Variants in ARHGEF18 observed in about 807,000 individuals in gnomAD.
ARHGEF18 encodes the protein Rho/Rac guanine nucleotide exchange factor 18.
Under a neutral mutation model 155.7 loss-of-function variants are expected in ARHGEF18, and 93 were observed. The observed-to-expected ratio is 0.60, with a 90% CI of 0.50 to 0.71. The LOEUF is 0.71. ARHGEF18 is among the 30% of genes least tolerant of loss of function. The probability of loss-of-function intolerance (pLI) is 0.00; values close to 1 mark genes in which losing one functional copy is unlikely to be tolerated. For synonymous variants in ARHGEF18, 742 were observed against 753.1 expected, an observed-to-expected ratio of 0.99 and a Z score of 0.24; for missense variants, 1,593 against 1,816.1, an observed-to-expected ratio of 0.88 and a Z score of 2.23.
chr19:7,439,286 C>CCG (rs1555720516), intron 10 of ARHGEF18, among the ~76,000 whole-genome samples: 1 of 150,784 alleles, frequency 6.6e-6, no homozygotes, highest in Non-Finnish European at 1.5e-5. Context: ...TGAGACCCCC[C>CCG]CCCAACCTCT....
chr19:7,474,793 A>G (rs1267375683), downstream of ARHGEF18, among the ~76,000 whole-genome samples: 1 of 100,616 alleles, frequency 9.9e-6, no homozygotes, highest in Non-Finnish European at 1.8e-5. Context: ...GTCTCCCCCC[A>G]CCCTCTGATT....
At position 7,463,910 on chromosome 19, in the gene ARHGEF18, G is replaced by T. The variant is rs1976448886; in HGVS notation, c.2728G>T (p.Ala910Ser). 6 of 1,598,980 alleles carry T rather than the reference G, an allele frequency of 3.8e-6. 1 individual carries two copies. The South Asian group carries it at 5.6e-5, about 15-fold the overall frequency. Residue 910 changes from alanine (A) to serine (S), a missense_variant, in exon 22 of 29, where the codon GCT (alanine) becomes TCT (serine). Coordinates refer to ENST00000668164, the MANE Select transcript of ARHGEF18 (RefSeq NM_001367823.1). The surrounding 1 kb of genome is among the most constrained non-coding windows in gnomAD (Gnocchi z 5.2). Reference protein sequence around the residue: ...GGSSTGPPRRAETFAGYDCTN... With the variant: ...GGSSTGPPRRSETFAGYDCTN... ...CAGCTCCACAGGCCCGCCCAGGAGG[G>T]CTGAGACCTTCGCGGGCTACGACTG...
At chr19:7,358,215 TTCCATCCATCCA>T (rs151337455) in intron 1 of ARHGEF18, among the ~76,000 whole-genome samples, 1 of 142,728 alleles carries the variant, frequency 7.0e-6, no homozygotes, top group East Asian at 2.2e-4. Flanking sequence ...CCATCCATCC[TTCCATCCATCCA>T]TCCATCCATC....
At chr19:7,477,279 T>C (rs1423828962), downstream of ARHGEF18, 7 of 1,585,134 alleles carry the variant, frequency 4.4e-6, no homozygotes, top group Admixed American at 1.3e-4. Flanking sequence ...ATGGTGCCCA[T>C]GAGGCCCACT....
chr19:7,450,742 T>C, intron 15 of ARHGEF18, among the ~76,000 whole-genome samples: 1 of 152,304 alleles, frequency 6.6e-6, no homozygotes, highest in African/African-American at 2.4e-5. Context: ...GTTTCCGAGA[T>C]GTTAATGCGG....
chr19:7,462,480 C>A lies in ARHGEF18; in HGVS notation c.2635+146C>A. The A allele has an allele frequency of 9.9e-7, 1 of 1,008,500 alleles. No individual in the cohort carries two copies. The highest frequency in any genetic ancestry group is 1.4e-6 in the Non-Finnish European group (1 of 713,980). The allele number at this position is 1,008,500 out of a possible 1,614,324, so 62.5% of individuals were successfully genotyped here. On this transcript the variant is annotated intron_variant, in intron 21 of 28. Coordinates refer to ENST00000668164, the MANE Select transcript of ARHGEF18 (RefSeq NM_001367823.1). This position sits in a 1 kb window ranked among gnomAD's most constrained non-coding sequence, Gnocchi z 4.4. ...ATGTGGGGGGGGCCCAGGAGCAGCA[C>A]TGACCGCCCCCCGGTGCCTGTGAGA...
At chr19:7,423,111 A>C (rs1276858762) in intron 10 of ARHGEF18, among the ~76,000 whole-genome samples, 1 of 152,142 alleles carries the variant, frequency 6.6e-6, no homozygotes, top group Non-Finnish European at 1.5e-5. Context: ...TCAGGGATTA[A>C]TAGCCGGGAG....
the ARHGEF18 span, among the ~76,000 whole-genome samples, chr19:7,479,609 C>T: frequency 2.9e-3 from 439 of 152,360 alleles, no homozygotes; most frequent in Middle Eastern, 0.017. Context: ...ACATGGAATG[C>T]TCTCCACCCA....
chr19:7,353,259 A>G (rs1969200010), intron 1 of ARHGEF18, among the ~76,000 whole-genome samples: 1 of 151,816 alleles, frequency 6.6e-6, no homozygotes, highest in South Asian at 2.1e-4. Context: ...TTGGTGGGAG[A>G]ATAAATCTGC....
At chr19:7,368,357 T>C (rs28448498) in intron 2 of ARHGEF18, among the ~76,000 whole-genome samples, 66,377 of 151,856 alleles carry the variant, frequency 0.44, 17,131 homozygotes, top group African/African-American at 0.73. Context: ...AGCATCCTCT[T>C]TGGGGTGTCA....
chr19:7,410,900 G>A (rs1015160902), intron 10 of ARHGEF18, among the ~76,000 whole-genome samples: 7 of 149,048 alleles, frequency 4.7e-5, no homozygotes, highest in African/African-American at 1.7e-4. Flanking sequence ...AAAATGCCAC[G>A]CACTGCCCTT....
chr19:7,373,472 T>G (rs1303881368), intron 3 of ARHGEF18, among the ~76,000 whole-genome samples: 106 of 133,236 alleles, frequency 8.0e-4, no homozygotes, highest in Non-Finnish European at 1.1e-3. Context: ...TGTTTTTTTT[T>G]TTTTGTTTTT....
In ARHGEF18 at chr19:7,460,134, G is replaced by A. The variant is rs191083069; in HGVS notation, c.2452+140G>A. ...GCTGTGCCATGTCCTGCAGCTCTGT[G>A]AAGCATTAGAACGGGCTGTGCCATG... On this transcript the variant is annotated intron_variant, in intron 20 of 28. Coordinates refer to ENST00000668164, the MANE Select transcript of ARHGEF18 (RefSeq NM_001367823.1). 449 of 803,842 alleles carry A rather than the reference G, an allele frequency of 5.6e-4. 3 individuals are homozygous for A. In the Admixed American group the frequency reaches 6.5e-3, roughly 12 times the overall value. The allele number at this position is 803,842 out of a possible 1,614,324, so 49.8% of individuals were successfully genotyped here.
At chr19:7,387,302 G>A (rs755460630) in intron 10 of ARHGEF18, among the ~76,000 whole-genome samples, 2 of 151,902 alleles carry the variant, frequency 1.3e-5, no homozygotes, top group South Asian at 2.1e-4. Flanking sequence ...ACAGGTGCCC[G>A]CCACCATGCC....
At chr19:7,414,805 C>CAAA (rs58827075) in intron 10 of ARHGEF18, among the ~76,000 whole-genome samples, 33 of 144,870 alleles carry the variant, frequency 2.3e-4, no homozygotes, top group East Asian at 4.1e-4. Flanking sequence ...GACTCTGTCT[C>CAAA]AAAAAAAAAG....
In ARHGEF18 at chr19:7,349,800, T is replaced by A. The variant is rs148799674; in HGVS notation, c.-111+559T>A. 9.2e-4 allele frequency among the ~76,000 whole-genome samples: 140 copies of A among 152,050 alleles called. 3 individuals carry two copies. The East Asian group carries it at 0.025, about 27-fold the overall frequency. On this transcript the variant is annotated intron_variant, in intron 1 of 28. Coordinates refer to ENST00000668164, the MANE Select transcript of ARHGEF18 (RefSeq NM_001367823.1). ...ATAGAGCTCCTTGTAGCCAAGGCCCTCCTGCGTGGAGACAGGAGACAGAGA... is the reference window on the plus strand; with the variant it reads ...ATAGAGCTCCTTGTAGCCAAGGCCCACCTGCGTGGAGACAGGAGACAGAGA...
downstream of ARHGEF18, chr19:7,476,779 G>A (rs529886782): frequency 1.4e-3 from 239 of 168,212 alleles, no homozygotes; most frequent in Non-Finnish European, 2.6e-3. Context: ...TCCTGAAGGT[G>A]GGCTGGGGTA....
At chr19:7,443,926 A>C (rs564730699) in intron 13 of ARHGEF18, among the ~76,000 whole-genome samples, 1 of 150,222 alleles carries the variant, frequency 6.7e-6, no homozygotes, top group Non-Finnish European at 1.5e-5. Context: ...AAAAACACGG[A>C]CTTAAAATGT....
intron 2 of ARHGEF18, among the ~76,000 whole-genome samples, chr19:7,366,561 G>C (rs1366857930): frequency 6.6e-6 from 1 of 152,162 alleles, no homozygotes; most frequent in African/African-American, 2.4e-5. Context: ...TTTTTGGAGA[G>C]CGTAATCTGT....
Sources: allele counts gnomAD v4.1 joint callset (sites outside exome capture counted in the v4.1 genomes callset), GRCh38; gene constraint gnomAD v4.1.1; non-coding constraint Gnocchi (gnomAD v3.1); transcripts MANE v1.5; gene names NCBI Gene and HGNC (gene_info 2026-07-23, HGNC 2026-07-21).